The following FYB1 variants were observed in gnomAD, a reference collection of about 807,000 sequenced individuals.
FYB1 encodes the protein FYN-binding protein 1.
A neutral mutation model predicts 94.1 loss-of-function variants in FYB1; 41 were observed. The ratio of observed to expected loss-of-function variants is 0.44; its 90% CI spans 0.34 to 0.57. The LOEUF (loss-of-function observed/expected upper bound fraction) is 0.57. Ranked by LOEUF, FYB1 falls within the 20% of genes least tolerant of loss-of-function variation. FYB1 has a pLI of 0.02. For synonymous variants in FYB1, 367 were observed against 353.2 expected (o/e 1.04, Z -0.44); for missense variants, 1,050 against 976.8 (o/e 1.07, Z -1.00).
intron 1 of FYB1, among the ~76,000 whole-genome samples, chr5:39,231,147 C>CAAAAAAAAAAAAAAAA (rs747268330): frequency 2.0e-4 from 8 of 40,934 alleles, no homozygotes; most frequent in East Asian, 6.8e-4. Flanking sequence ...CAGCTCAGAG[C>CAAAAAAAAAAAAAAAA]AAAAAAAAAA....
At position 39,122,408 on chromosome 5, in the gene FYB1, A is replaced by G; in HGVS notation, c.2072-6T>C. The stretch of plus-strand genomic sequence containing the variant: ...GTAAACTTCATCTCCCATGTCTAAC[A>G]AAAGACAGAATATCAAAGGTTGAAA... On this transcript the variant is annotated splice_region_variant and splice_polypyrimidine_tract_variant and intron_variant, in intron 13 of 18. Transcript: ENST00000512982. 1 of 1,543,838 alleles carries G rather than the reference A, an allele frequency of 6.5e-7. No individual in the cohort carries two copies. Among genetic ancestry groups the G allele is most frequent in the Non-Finnish European group, 8.8e-7 (1 of 1,130,158 alleles).
intron 1 of FYB1, among the ~76,000 whole-genome samples, chr5:39,256,649 G>T (rs1375228707): frequency 6.6e-6 from 1 of 152,098 alleles, no homozygotes; most frequent in Non-Finnish European, 1.5e-5. Flanking sequence ...TTGTTGGTTT[G>T]CTTGATGATT....
intron 1 of FYB1, among the ~76,000 whole-genome samples, chr5:39,207,767 C>A (rs1579681214): frequency 6.8e-6 from 1 of 147,446 alleles, no homozygotes; most frequent in Non-Finnish European, 1.5e-5. Context: ...TGGTTCTTAA[C>A]TGGGGTGTGG....
chr5:39,271,206 C>A (rs1428134634), intron 1 of FYB1, among the ~76,000 whole-genome samples: 2 of 151,980 alleles, frequency 1.3e-5, no homozygotes, highest in Non-Finnish European at 2.9e-5. Flanking sequence ...AGGAAACACT[C>A]ATAAGCTTAT....
intron 2 of FYB1, among the ~76,000 whole-genome samples, chr5:39,155,987 A>G (rs1743714726): frequency 1.3e-5 from 2 of 152,214 alleles, no homozygotes. Flanking sequence ...CTGTACCCAA[A>G]GAGAATACGC....
intron 2 of FYB1, among the ~76,000 whole-genome samples, chr5:39,181,836 T>A (rs901902641): frequency 6.6e-6 from 1 of 152,208 alleles, no homozygotes; most frequent in Non-Finnish European, 1.5e-5. Flanking sequence ...TCGAGGCTCA[T>A]GGATTACTAC....
chr5:39,212,100 G>C (rs1427074556), intron 1 of FYB1, among the ~76,000 whole-genome samples: 37 of 152,224 alleles, frequency 2.4e-4, no homozygotes. Context: ...GAGGCCAGGT[G>C]ATTGAGGCTA....
chr5:39,222,776 AC>A (rs1386455577), upstream of FYB1, among the ~76,000 whole-genome samples: 2 of 152,222 alleles, frequency 1.3e-5, no homozygotes, highest in African/African-American at 4.8e-5. Flanking sequence ...AATAATAAAC[AC>A]CCATTTTTCT....
At chr5:39,116,428 C>A (rs970148640) in intron 16 of FYB1, among the ~76,000 whole-genome samples, 3 of 152,164 alleles carry the variant, frequency 2.0e-5, no homozygotes, top group African/African-American at 7.2e-5. Flanking sequence ...ACATGAAACT[C>A]TTGATTGTAA....
intron 2 of FYB1, among the ~76,000 whole-genome samples, chr5:39,172,144 C>A (rs1158966973): frequency 6.6e-6 from 1 of 152,102 alleles, no homozygotes; most frequent in African/African-American, 2.4e-5. Flanking sequence ...GATAGAATCC[C>A]TTTTTAAAAA....
chr5:39,239,865 C>T (rs1174311975), intron 1 of FYB1, among the ~76,000 whole-genome samples: 2 of 152,126 alleles, frequency 1.3e-5, no homozygotes, highest in Non-Finnish European at 2.9e-5. Flanking sequence ...CAATCTTAAG[C>T]ATAAAGAACA....
intron 2 of FYB1, among the ~76,000 whole-genome samples, chr5:39,162,680 C>T (rs1238555606): frequency 7.3e-6 from 1 of 137,854 alleles, no homozygotes; most frequent in South Asian, 2.3e-4. Flanking sequence ...GACGCCATCT[C>T]AAAAAAAAAA....
chr5:39,178,456 A>C (rs955491519), intron 2 of FYB1, among the ~76,000 whole-genome samples: 1 of 152,188 alleles, frequency 6.6e-6, no homozygotes, highest in African/African-American at 2.4e-5. Flanking sequence ...TTCAGACTCT[A>C]TAGTCGTCAA....
intron 1 of FYB1, among the ~76,000 whole-genome samples, chr5:39,266,545 A>G (rs1451955408): frequency 6.6e-6 from 1 of 152,204 alleles, no homozygotes; most frequent in Non-Finnish European, 1.5e-5. Flanking sequence ...AGGGCAATAA[A>G]ACGTGAATTT....
At chr5:39,135,153 A>G in intron 7 of FYB1, 139 bp from the exon 8 acceptor site, 1 of 938,858 alleles carries the variant, frequency 1.1e-6, no homozygotes, top group East Asian at 2.6e-5. Flanking sequence ...CCAGAAATTG[A>G]GGGTGAATGT....
chr5:39,111,276 C>G (rs888057471), intron 16 of FYB1, among the ~76,000 whole-genome samples: 1 of 151,804 alleles, frequency 6.6e-6, no homozygotes, highest in African/African-American at 2.4e-5. Flanking sequence ...AGATTAGTAC[C>G]ATTTATTGCT....
chr5:39,151,530 T>C (rs767206532), intron 3 of FYB1, among the ~76,000 whole-genome samples: 9 of 152,146 alleles, frequency 5.9e-5, no homozygotes, highest in Non-Finnish European at 1.3e-4. Context: ...GCTCAAGCGA[T>C]CCTCCCACCT....
intron 1 of FYB1, among the ~76,000 whole-genome samples, chr5:39,272,012 T>G: frequency 6.6e-6 from 1 of 151,874 alleles, no homozygotes; most frequent in African/African-American, 2.4e-5. Flanking sequence ...ATAGAGATCA[T>G]CAAAGTGCAG....
chr5:39,255,048 T>C (rs1751874473), intron 1 of FYB1, among the ~76,000 whole-genome samples: 1 of 152,166 alleles, frequency 6.6e-6, no homozygotes, highest in Admixed American at 6.5e-5. Flanking sequence ...GATAGTAAGA[T>C]TTTTACCTTT....
Sources: gnomAD v4.1 joint callset for allele counts (sites outside exome capture counted in the v4.1 genomes callset) on GRCh38, gnomAD v4.1.1 for gene constraint, MANE v1.5 for transcripts, NCBI Gene and HGNC (gene_info 2026-07-23, HGNC 2026-07-21) for gene names.